MLEC: variants seen among roughly 807,000 people sequenced by gnomAD.
MLEC encodes malectin.
In MLEC, 7 loss-of-function variants were observed where a neutral mutation model predicts 28.7. That is an observed-to-expected ratio of 0.24 (90% CI 0.14 to 0.46). The LOEUF (loss-of-function observed/expected upper bound fraction) is 0.46. Ranked by LOEUF, MLEC falls within the 20% of genes least tolerant of loss-of-function variation. The pLI is 0.99. For synonymous variants in MLEC, 142 were observed against 164.4 expected, an observed-to-expected ratio of 0.86 and a Z score of 1.04; for missense variants, 237 against 391.1, an observed-to-expected ratio of 0.61 and a Z score of 3.32.
Position 120,687,252 on chromosome 12 carries a change from C to G in MLEC, c.-45C>G, listed in dbSNP as rs1273950311. The G allele has an allele frequency of 2.2e-6, 3 of 1,358,268 alleles. No homozygotes were observed. Among genetic ancestry groups the G allele is most frequent in the African/African-American group, 1.5e-5 (1 of 64,958 alleles). The allele number at this position is 1,358,268 out of a possible 1,614,324, so 84.1% of individuals were successfully genotyped here. A position where few individuals can be genotyped will look rare whatever the true frequency, so the allele number is the denominator to read the frequency against. ...AGTCCGGGGTGGCCTGGCAGCCGGC[C>G]GAGGACGAGGGTCGGCGGGGGCTGC... On this transcript the variant is annotated 5_prime_UTR_variant, in exon 1 of 5. Transcript: ENST00000228506. This position sits in a 1 kb window ranked among gnomAD's most constrained non-coding sequence, Gnocchi z 8.1.
Position 120,694,850 on chromosome 12 carries a change from C to T in MLEC, c.441C>T (p.His147=), listed in dbSNP as rs368412650. ...QKVFDVRLNG[H]VVVKDLDIFD... ...TATTTGATGTACGATTGAATGGCCACGTCGTGGTGAAGGACTTGGATATCT... is the reference window on the plus strand; with the variant it reads ...TATTTGATGTACGATTGAATGGCCATGTCGTGGTGAAGGACTTGGATATCT... Residue 147 remains histidine, a synonymous_variant, in exon 3 of 5, where the codon CAC becomes CAT. Coordinates refer to ENST00000228506, the MANE Select transcript of MLEC (RefSeq NM_014730.4). The surrounding 1 kb of genome is among the most constrained non-coding windows in gnomAD (Gnocchi z 4.5). 581 of 1,613,428 alleles carry T rather than the reference C, an allele frequency of 3.6e-4. 7 individuals are homozygous for T. The South Asian group carries it at 5.3e-3, about 15-fold the overall frequency.
At position 120,687,573 on chromosome 12, in the gene MLEC, G is replaced by GT. The variant is rs914059358; in HGVS notation, c.235+43dup. ...CGAGCCGCGGGATCCAGGGCCTGCT[G>GT]TGCTGGGCGCAGCCGGCCGGGGGCT... On this transcript the variant is annotated intron_variant, in intron 1 of 4. Transcript: ENST00000228506. The surrounding 1 kb of genome is among the most constrained non-coding windows in gnomAD (Gnocchi z 8.1). 9.1e-6 allele frequency: 13 copies of GT among 1,429,714 alleles called. No individual in the cohort carries two copies. The highest frequency in any genetic ancestry group is 1.2e-5 in the Non-Finnish European group (13 of 1,082,092). 88.6% of individuals were successfully genotyped at this position (1,429,714 alleles called of 1,614,324 possible).
Position 120,687,174 on chromosome 12 carries a change from A to C in MLEC, c.-123A>C. 9.0e-7 allele frequency: 1 copy of C among 1,110,840 alleles called. No homozygotes were observed. Among genetic ancestry groups the C allele is most frequent in the Non-Finnish European group, 1.2e-6 (1 of 869,266 alleles). 68.8% of individuals were successfully genotyped at this position (1,110,840 alleles called of 1,614,324 possible). A position where few individuals can be genotyped will look rare whatever the true frequency, so the allele number is the denominator to read the frequency against. ...GTGGCTGAGAAGAAGGAGGCCTGAG[A>C]GCGACATGTCCCCGGCGGCTCAGGC... is the stretch of plus-strand genomic sequence containing the variant. On this transcript the variant is annotated 5_prime_UTR_variant, in exon 1 of 5. Transcript: ENST00000228506. The surrounding 1 kb of genome is among the most constrained non-coding windows in gnomAD (Gnocchi z 8.1).
intron 1 of MLEC, among the ~76,000 whole-genome samples, chr12:120,692,474 G>T (rs1455797744): frequency 6.6e-6 from 1 of 152,090 alleles, no homozygotes; most frequent in Non-Finnish European, 1.5e-5. Flanking sequence ...GAAGACAAAA[G>T]TGCAATGAGT....
At position 120,701,243 on chromosome 12, in the gene MLEC, A is replaced by G. The variant is rs983476674; in HGVS notation, c.*4698A>G. On this transcript the variant is annotated 3_prime_UTR_variant, in exon 5 of 5. Coordinates refer to ENST00000228506, the MANE Select transcript of MLEC (RefSeq NM_014730.4). The surrounding 1 kb of genome is among the most constrained non-coding windows in gnomAD (Gnocchi z 4.0). ...GTCCTTTCAAAGGACAACTGTCGGG[A>G]AGGGAGAGCCGAGTTGCGAGGTAGG... 2 of 152,334 alleles carry G rather than the reference A, an allele frequency of 1.3e-5. No homozygotes were observed. Among genetic ancestry groups the G allele is most frequent in the African/African-American group, 4.8e-5 (2 of 41,446 alleles). The allele number at this position is 152,334 out of a possible 1,614,324, so 9.4% of individuals were successfully genotyped here.
intron 4 of MLEC, 44 bp downstream of exon 4, chr12:120,695,196 T>C: frequency 6.2e-7 from 1 of 1,602,454 alleles, no homozygotes; most frequent in Non-Finnish European, 8.6e-7. Context: ...AGTGGAGGGA[T>C]ATGGTTGAGG....
chr12:120,690,312 T>G (rs11065214), intron 1 of MLEC, among the ~76,000 whole-genome samples: 1 of 152,168 alleles, frequency 6.6e-6, no homozygotes, highest in Admixed American at 6.5e-5. Flanking sequence ...CGCCTGACCA[T>G]GTTCCAGATT....
At position 120,687,586 on chromosome 12, in the gene MLEC, CCGGCCGGG is replaced by C; in HGVS notation, c.235+56_235+63del. 2 of 1,364,818 alleles carry C rather than the reference CCGGCCGGG, an allele frequency of 1.5e-6. No homozygotes were observed. Among genetic ancestry groups the C allele is most frequent in the Non-Finnish European group, 1.9e-6 (2 of 1,034,590 alleles). The allele number at this position is 1,364,818 out of a possible 1,614,324, so 84.5% of individuals were successfully genotyped here. The stretch of plus-strand genomic sequence containing the variant: ...CCAGGGCCTGCTGTGCTGGGCGCAG[CCGGCCGGG>C]GGCTGCGGGCCCCGAGCCCCTTTCG... On this transcript the variant is annotated intron_variant, in intron 1 of 4. Transcript: ENST00000228506. This position sits in a 1 kb window ranked among gnomAD's most constrained non-coding sequence, Gnocchi z 8.1.
intron 3 of MLEC, 45 bp downstream of exon 3, chr12:120,695,045 G>T: frequency 2.5e-6 from 4 of 1,614,054 alleles, no homozygotes; most frequent in Non-Finnish European, 3.4e-6. Flanking sequence ...TGGGTACAGG[G>T]GAAGTTGTTT....
Position 120,696,558 on chromosome 12 carries a change from A to T in MLEC, c.*13A>T, listed in dbSNP as rs983284109. 2 of 1,614,134 alleles carry T rather than the reference A, an allele frequency of 1.2e-6. No homozygotes were observed. Among genetic ancestry groups the T allele is most frequent in the Admixed American group, 1.7e-5 (1 of 60,022 alleles). On this transcript the variant is annotated 3_prime_UTR_variant, in exon 5 of 5. Coordinates refer to ENST00000228506, the MANE Select transcript of MLEC (RefSeq NM_014730.4). The surrounding 1 kb of genome is among the most constrained non-coding windows in gnomAD (Gnocchi z 5.4). ...CTGCCGGTTGTGAGAACAAATGACT[A>T]TCCTGAACAGGGTGGAGGGGTGTGG...
chr12:120,687,404 G>T lies in MLEC; in HGVS notation c.108G>T (p.Val36=), dbSNP rs760194475. 4.3e-6 allele frequency: 6 copies of T among 1,390,504 alleles called. No homozygotes were observed. The East Asian group carries it at 1.4e-4, about 32-fold the overall frequency. 86.1% of individuals were successfully genotyped at this position (1,390,504 alleles called of 1,614,324 possible). The change falls in exon 1 of 5, where the codon GTG becomes GTT. Residue 36 remains valine, a synonymous_variant. Coordinates refer to ENST00000228506, the MANE Select transcript of MLEC (RefSeq NM_014730.4). The surrounding 1 kb of genome is among the most constrained non-coding windows in gnomAD (Gnocchi z 8.1). ...IRGPGLGVAG[V]AGAAGAGLPE... ...GACCCGGGCTCGGCGTGGCCGGCGT[G>T]GCCGGCGCGGCGGGGGCCGGGCTGC...
Position 120,687,613 on chromosome 12 carries a change from C to A in MLEC, c.235+82C>A. ...GGCCGGGGGCTGCGGGCCCCGAGCC[C>A]CTTTCGACCCTGGGGCCGCGTCTCT... is the stretch of plus-strand genomic sequence containing the variant. On this transcript the variant is annotated intron_variant, in intron 1 of 4. Transcript: ENST00000228506. The surrounding 1 kb of genome is among the most constrained non-coding windows in gnomAD (Gnocchi z 8.1). 8.9e-7 allele frequency: 1 copy of A among 1,121,950 alleles called. No individual in the cohort carries two copies. 69.5% of individuals were successfully genotyped at this position (1,121,950 alleles called of 1,614,324 possible). A position where few individuals can be genotyped will look rare whatever the true frequency, so the allele number is the denominator to read the frequency against.
At position 120,700,624 on chromosome 12, in the gene MLEC, A is replaced by C. The variant is rs1882411005; in HGVS notation, c.*4079A>C. ...TGCTTCTCTTCGATGGAAAGATATA[A>C]TTAACGATCAAAGAGCTCTAAGAAA... On this transcript the variant is annotated 3_prime_UTR_variant, in exon 5 of 5. Coordinates refer to ENST00000228506, the MANE Select transcript of MLEC (RefSeq NM_014730.4). This position sits in a 1 kb window ranked among gnomAD's most constrained non-coding sequence, Gnocchi z 4.0. 6.6e-6 allele frequency: 1 copy of C among 152,242 alleles called. No homozygotes were observed. Among genetic ancestry groups the C allele is most frequent in the Non-Finnish European group, 1.5e-5 (1 of 68,052 alleles). The allele number at this position is 152,242 out of a possible 1,614,324, so 9.4% of individuals were successfully genotyped here. A position where few individuals can be genotyped will look rare whatever the true frequency, so the allele number is the denominator to read the frequency against.
rs1882151918 is a variant in MLEC at position 120,694,464 on chromosome 12, T to A, written c.414+195T>A. Reference sequence around the variant, plus strand: ...ACAGAAAGCAATGCCAGAATCCTTGTTTTGCCAACTAACTGATCCTGTTAA... The same window carrying A: ...ACAGAAAGCAATGCCAGAATCCTTGATTTGCCAACTAACTGATCCTGTTAA... On this transcript the variant is annotated intron_variant, in intron 2 of 4. Coordinates refer to ENST00000228506, the MANE Select transcript of MLEC (RefSeq NM_014730.4). This position sits in a 1 kb window ranked among gnomAD's most constrained non-coding sequence, Gnocchi z 4.5. Among the ~76,000 whole-genome samples the A allele has an allele frequency of 6.6e-6, 1 of 152,220 alleles. No homozygotes were observed. The highest frequency in any genetic ancestry group is 2.1e-4 in the South Asian group (1 of 4,826).
rs2393749 is a variant in MLEC, at chr12:120,694,088, C to T, written c.236-3C>T. 0.39 allele frequency: 624,859 copies of T among 1,609,280 alleles called. 130,126 individuals are homozygous for T. Among genetic ancestry groups the T allele is most frequent in the African/African-American group, 0.79 (59,037 of 74,854 alleles). On this transcript the variant is annotated splice_polypyrimidine_tract_variant and splice_region_variant and intron_variant, in intron 1 of 4. Transcript: ENST00000228506. This position sits in a 1 kb window ranked among gnomAD's most constrained non-coding sequence, Gnocchi z 4.5. ...GTGCTTTCTCTTTGTCTTTTGTCCT[C>T]AGCCTCAGACTATGGCATGAAACTG...
intron 1 of MLEC, among the ~76,000 whole-genome samples, chr12:120,693,450 C>T (rs1351816799): frequency 6.6e-6 from 1 of 152,050 alleles, no homozygotes; most frequent in Non-Finnish European, 1.5e-5. Context: ...TTTTGTGAGT[C>T]TGTGGGAAGG....
rs1882314042 is a variant in MLEC, at chr12:120,698,309, A to G, written c.*1764A>G. 6.6e-6 allele frequency: 1 copy of G among 152,238 alleles called. No homozygotes were observed. Among genetic ancestry groups the G allele is most frequent in the Non-Finnish European group, 1.5e-5 (1 of 68,060 alleles). The allele number at this position is 152,238 out of a possible 1,614,324, so 9.4% of individuals were successfully genotyped here. A position where few individuals can be genotyped will look rare whatever the true frequency, so the allele number is the denominator to read the frequency against. ...TCATGTCCTGGGTTTTGGCTCTTTAATGATTACTCCAGGCCAGCATTTAGT... is the reference window on the plus strand; with the variant it reads ...TCATGTCCTGGGTTTTGGCTCTTTAGTGATTACTCCAGGCCAGCATTTAGT... On this transcript the variant is annotated 3_prime_UTR_variant, in exon 5 of 5. Coordinates refer to ENST00000228506, the MANE Select transcript of MLEC (RefSeq NM_014730.4).
At position 120,687,268 on chromosome 12, in the gene MLEC, C is replaced by T; in HGVS notation, c.-29C>T. On this transcript the variant is annotated 5_prime_UTR_variant, in exon 1 of 5. Coordinates refer to ENST00000228506, the MANE Select transcript of MLEC (RefSeq NM_014730.4). This position sits in a 1 kb window ranked among gnomAD's most constrained non-coding sequence, Gnocchi z 8.1. ...GCAGCCGGCCGAGGACGAGGGTCGGCGGGGGCTGCCCCCGTGGTGGTGGCC... is the reference window on the plus strand; with the variant it reads ...GCAGCCGGCCGAGGACGAGGGTCGGTGGGGGCTGCCCCCGTGGTGGTGGCC... 1 of 1,361,842 alleles carries T rather than the reference C, an allele frequency of 7.3e-7. No homozygotes were observed. The highest frequency in any genetic ancestry group is 9.4e-7 in the Non-Finnish European group (1 of 1,063,756). 84.4% of individuals were successfully genotyped at this position (1,361,842 alleles called of 1,614,324 possible).
chr12:120,687,622 C>T lies in MLEC; in HGVS notation c.235+91C>T, dbSNP rs551399746. ...CTGCGGGCCCCGAGCCCCTTTCGAC[C>T]CTGGGGCCGCGTCTCTGGAGCGAAG... is the stretch of plus-strand genomic sequence containing the variant. On this transcript the variant is annotated intron_variant, in intron 1 of 4. Coordinates refer to ENST00000228506, the MANE Select transcript of MLEC (RefSeq NM_014730.4). The surrounding 1 kb of genome is among the most constrained non-coding windows in gnomAD (Gnocchi z 8.1). 3.0e-6 allele frequency: 3 copies of T among 1,013,374 alleles called. No homozygotes were observed. Among genetic ancestry groups the T allele is most frequent in the Non-Finnish European group, 2.7e-6 (2 of 737,364 alleles). The allele number at this position is 1,013,374 out of a possible 1,614,324, so 62.8% of individuals were successfully genotyped here. A position where few individuals can be genotyped will look rare whatever the true frequency, so the allele number is the denominator to read the frequency against.
Sources: allele counts gnomAD v4.1 joint callset (sites outside exome capture counted in the v4.1 genomes callset), GRCh38; gene constraint gnomAD v4.1.1; non-coding constraint Gnocchi (gnomAD v3.1); transcripts MANE v1.5; gene names NCBI Gene and HGNC (gene_info 2026-07-23, HGNC 2026-07-21).